The following PRKAG2 variants were observed in gnomAD, a reference collection of about 807,000 sequenced individuals.
PRKAG2 encodes the protein protein kinase AMP-activated non-catalytic subunit gamma 2, also known as 5'-AMP-activated protein kinase subunit gamma-2.
PRKAG2 carries 26 observed loss-of-function variants against 69.6 expected under a neutral mutation model. The ratio of observed to expected loss-of-function variants is 0.37; its 90% CI spans 0.27 to 0.52. The LOEUF (loss-of-function observed/expected upper bound fraction) is 0.52, where lower values mean the gene tolerates loss of function less well. Ranked by LOEUF, PRKAG2 falls within the 20% of genes least tolerant of loss-of-function variation. The pLI is 0.90. For synonymous variants in PRKAG2, 293 were observed against 285.0 expected, an observed-to-expected ratio of 1.03 and a Z score of -0.28; for missense variants, 557 against 740.0, an observed-to-expected ratio of 0.75 and a Z score of 2.87.
At position 151,663,151 on chromosome 7, in the gene PRKAG2, G is replaced by C. The variant is rs532995660; in HGVS notation, c.684+12269C>G. Reference sequence around the variant, plus strand: ...TGGAAATCATGGCAAGGGAGGGAAGGGCAAGTTTATGCTGTTTGTCTGTGC... The same window carrying C: ...TGGAAATCATGGCAAGGGAGGGAAGCGCAAGTTTATGCTGTTTGTCTGTGC... On this transcript the variant is annotated intron_variant, in intron 4 of 15. Transcript: ENST00000287878. Among the ~76,000 whole-genome samples the C allele has an allele frequency of 1.9e-3, 294 of 152,250 alleles. 2 individuals carry two copies. Among genetic ancestry groups the C allele is most frequent in the African/African-American group, 6.8e-3 (284 of 41,568 alleles).
intron 4 of PRKAG2, among the ~76,000 whole-genome samples, chr7:151,670,937 C>T (rs1831929359): frequency 6.6e-6 from 1 of 152,108 alleles, no homozygotes. Flanking sequence ...CTTTGGGAGG[C>T]CAAGGTGGGC....
chr7:151,678,619 C>CATACAACCTAG (rs1833336228), intron 3 of PRKAG2, among the ~76,000 whole-genome samples: 1 of 152,010 alleles, frequency 6.6e-6, no homozygotes, highest in African/African-American at 2.4e-5. Flanking sequence ...GGGTTAGGAC[C>CATACAACCTAG]CGAAACTTAA....
chr7:151,684,143 T>C (rs1236567513), intron 3 of PRKAG2, among the ~76,000 whole-genome samples: 1 of 152,062 alleles, frequency 6.6e-6, no homozygotes, highest in African/African-American at 2.4e-5. Context: ...AGCCAGGGAA[T>C]AGAGGGGCAG....
In PRKAG2 at chr7:151,674,794, G is replaced by A. The variant is rs529441878; in HGVS notation, c.684+626C>T. 1.2e-3 allele frequency: 181 copies of A among 152,106 alleles called. 1 individual carries two copies. Among genetic ancestry groups the A allele is most frequent in the Non-Finnish European group, 1.9e-3 (131 of 68,972 alleles). The allele number at this position is 152,106 out of a possible 1,614,324, so 9.4% of individuals were successfully genotyped here. The stretch of plus-strand genomic sequence containing the variant: ...TTTTGCTTTACCTATGACATTTTAT[G>A]AATACTGTAGTATCCCAAGCAAGGT... On this transcript the variant is annotated intron_variant, in intron 4 of 15. Coordinates refer to ENST00000287878, the MANE Select transcript of PRKAG2 (RefSeq NM_016203.4).
rs1361877127 is a variant in PRKAG2 at position 151,777,794 on chromosome 7, A to G, written c.466+3358T>C. On this transcript the variant is annotated intron_variant, in intron 3 of 15. Transcript: ENST00000287878. This position sits in a 1 kb window ranked among gnomAD's most constrained non-coding sequence, Gnocchi z 4.3. ...AGGATGATAATAGTACCTCCCTGAA[A>G]CCAACTGTTCCTTGCTCAGGGACTG... Among the ~76,000 whole-genome samples, 1 of 152,196 alleles carries G rather than the reference A, an allele frequency of 6.6e-6. No homozygotes were observed. The highest frequency in any genetic ancestry group is 2.4e-5 in the African/African-American group (1 of 41,452).
Position 151,813,097 on chromosome 7 carries a change from C to CA in PRKAG2, c.115-26557dup, listed in dbSNP as rs1441574524. ...AGCCTGCCCAGGGTGTGTGGAGCCC[C>CA]AGGGTGCCGGCTCACTCTGACTGCG... On this transcript the variant is annotated intron_variant, in intron 1 of 15. Transcript: ENST00000287878. 2.6e-5 allele frequency among the ~76,000 whole-genome samples: 4 copies of CA among 152,216 alleles called. No homozygotes were observed. In the East Asian group the frequency reaches 7.7e-4, roughly 29 times the overall value.
chr7:151,738,445 T>C (rs555456975), intron 3 of PRKAG2, among the ~76,000 whole-genome samples: 33 of 152,358 alleles, frequency 2.2e-4, no homozygotes, highest in Non-Finnish European at 3.4e-4. Context: ...AAACTGGCCA[T>C]AAACAAAATC....
intron 3 of PRKAG2, among the ~76,000 whole-genome samples, chr7:151,714,379 C>T (rs569607436): frequency 6.6e-5 from 10 of 151,144 alleles, no homozygotes; most frequent in African/African-American, 2.4e-4. Flanking sequence ...TCCTCCCATC[C>T]GCGCCCCGCC....
intron 1 of PRKAG2, among the ~76,000 whole-genome samples, chr7:151,808,178 T>C (rs1010415255): frequency 6.6e-6 from 1 of 152,222 alleles, no homozygotes; most frequent in African/African-American, 2.4e-5. Context: ...AGATTGGTGA[T>C]GCTCGGGTTG....
At chr7:151,772,293 A>G (rs2076058783) in intron 3 of PRKAG2, among the ~76,000 whole-genome samples, 1 of 152,150 alleles carries the variant, frequency 6.6e-6, no homozygotes, top group African/African-American at 2.4e-5. Context: ...CATCTCTTCT[A>G]TCCCTCTCCC....
intron 1 of PRKAG2, among the ~76,000 whole-genome samples, chr7:151,865,774 C>G (rs1031857876): frequency 6.6e-6 from 1 of 152,226 alleles, no homozygotes; most frequent in African/African-American, 2.4e-5. Flanking sequence ...AATCCCAGCA[C>G]TTTGGGAGGC....
In PRKAG2 at chr7:151,717,064, T is replaced by A. The variant is rs1269253191; in HGVS notation, c.467-41427A>T. Among the ~76,000 whole-genome samples the A allele has an allele frequency of 1.2e-4, 18 of 152,092 alleles. 1 individual carries two copies. The highest frequency in any genetic ancestry group is 1.2e-3 in the Admixed American group (18 of 15,272). On this transcript the variant is annotated intron_variant, in intron 3 of 15. Coordinates refer to ENST00000287878, the MANE Select transcript of PRKAG2 (RefSeq NM_016203.4). ...GAGTTCGAGACCAGCCTGGCCAACA[T>A]GGCAAAACCCTGTCTCTACTAAAAG...
rs1423656804 is a variant in PRKAG2 at position 151,638,698 on chromosome 7, T to G, written c.685-6560A>C. ...TGTGCCCAGGTGCAGCAAAACACTG[T>G]ATTTTGAATGACTATCAGAAGGGAA... On this transcript the variant is annotated intron_variant, in intron 4 of 15. Coordinates refer to ENST00000287878, the MANE Select transcript of PRKAG2 (RefSeq NM_016203.4). The surrounding 1 kb of genome is among the most constrained non-coding windows in gnomAD (Gnocchi z 4.3). 1.3e-5 allele frequency among the ~76,000 whole-genome samples: 2 copies of G among 152,124 alleles called. No homozygotes were observed. The highest frequency in any genetic ancestry group is 4.8e-5 in the African/African-American group (2 of 41,416).
intron 1 of PRKAG2, among the ~76,000 whole-genome samples, chr7:151,851,373 T>C (rs2079565327): frequency 6.6e-6 from 1 of 151,404 alleles, no homozygotes; most frequent in South Asian, 2.1e-4. Flanking sequence ...AAATCACTTC[T>C]GCTTTTGCCA....
intron 1 of PRKAG2, among the ~76,000 whole-genome samples, chr7:151,873,286 C>T (rs1030332843): frequency 1.3e-5 from 2 of 152,220 alleles, no homozygotes; most frequent in Middle Eastern, 3.2e-3. Flanking sequence ...CTACGTGACT[C>T]CTGCCTGCCA....
chr7:151,606,101 C>T (rs6977131), intron 5 of PRKAG2, among the ~76,000 whole-genome samples: 6,813 of 152,102 alleles, frequency 0.045, 492 homozygotes, highest in African/African-American at 0.16. Context: ...TACTATGTTG[C>T]CCAAGCTGGT....
chr7:151,714,328 TC>T (rs1236763304), intron 3 of PRKAG2, among the ~76,000 whole-genome samples: 2 of 152,080 alleles, frequency 1.3e-5, no homozygotes, highest in Admixed American at 6.5e-5. Context: ...AGAGCCGTCC[TC>T]CCATCCCAGC....
intron 1 of PRKAG2, among the ~76,000 whole-genome samples, chr7:151,802,914 CAT>C (rs2077913148): frequency 6.6e-6 from 1 of 150,588 alleles, no homozygotes; most frequent in East Asian, 1.9e-4. Context: ...TTAAAGTTAT[CAT>C]AGACATATAT....
intron 1 of PRKAG2, among the ~76,000 whole-genome samples, chr7:151,855,691 C>T (rs927925680): frequency 6.6e-6 from 1 of 151,694 alleles, no homozygotes; most frequent in African/African-American, 2.4e-5. Flanking sequence ...AGAGAGGCTG[C>T]AGGCAGAGAG....
Sources: gnomAD v4.1 joint callset for allele counts (sites outside exome capture counted in the v4.1 genomes callset) on GRCh38, gnomAD v4.1.1 for gene constraint, Gnocchi (gnomAD v3.1) non-coding constraint, MANE v1.5 for transcripts, NCBI Gene and HGNC (gene_info 2026-07-23, HGNC 2026-07-21) for gene names.